Variants in COL4A5 observed in about 807,000 individuals in gnomAD.
COL4A5 encodes the protein collagen type IV alpha 5 chain.
COL4A5 carries 26 observed loss-of-function variants against 130.2 expected under a neutral mutation model. The ratio of observed to expected loss-of-function variants is 0.20; its 90% CI spans 0.15 to 0.28. COL4A5 has a LOEUF of 0.28. COL4A5 is among the 10% of genes least tolerant of loss of function. The probability of loss-of-function intolerance (pLI) is 1.00; values close to 1 mark genes in which losing one functional copy is unlikely to be tolerated. For missense variants in COL4A5, 1,131 were observed against 1,344.3 expected (o/e 0.84, Z 2.48); for synonymous variants, 496 against 439.6 (o/e 1.13, Z -1.60).
At chrX:108,478,676 C>T (rs2064860021) in intron 1 of COL4A5, among the ~76,000 whole-genome samples, 1 of 111,899 alleles carries the variant, frequency 8.9e-6, no homozygotes, top group African/African-American at 3.3e-5. Flanking sequence ...CCCACTGCCA[C>T]ACTGCTTTAG....
chrX:108,601,832 G>C (rs981079825), intron 26 of COL4A5, 53 bp from the exon 27 acceptor site: 60 of 759,332 alleles, frequency 7.9e-5, no homozygotes, highest in Non-Finnish European at 1.2e-4. Flanking sequence ...ACCTGGCCCT[G>C]ATGGCTTCTT....
intron 34 of COL4A5, among the ~76,000 whole-genome samples, chrX:108,625,002 TG>T (rs1295599151): frequency 8.9e-6 from 1 of 112,032 alleles, no homozygotes; most frequent in East Asian, 2.8e-4. Flanking sequence ...TTGATATAGT[TG>T]GGAAGAGAAA....
chrX:108,578,167 T>C (rs2066185392), intron 12 of COL4A5, 48 bp downstream of exon 12: 2 of 1,161,808 alleles, frequency 1.7e-6, no homozygotes, highest in Non-Finnish European at 2.3e-6. Flanking sequence ...CTTTCTCTTT[T>C]TGTAGTCATT....
chrX:108,589,646 T>C (rs1306181884), intron 19 of COL4A5, among the ~76,000 whole-genome samples: 1 of 111,777 alleles, frequency 8.9e-6, no homozygotes, highest in Non-Finnish European at 1.9e-5. Flanking sequence ...TAGTATGAAA[T>C]ATAATTAAAT....
chrX:108,620,611 C>T (rs2067021898), intron 31 of COL4A5, among the ~76,000 whole-genome samples, 185 bp downstream of exon 31: 1 of 111,825 alleles, frequency 8.9e-6, no homozygotes, highest in Admixed American at 9.5e-5. Context: ...TGTGAGAGTT[C>T]CAGTTATATA....
At chrX:108,615,665 T>C (rs1380072597) in intron 30 of COL4A5, among the ~76,000 whole-genome samples, 8 of 111,683 alleles carry the variant, frequency 7.2e-5, no homozygotes, top group Non-Finnish European at 1.5e-4. Context: ...TGTGAAAGCA[T>C]ATTGAGTTTC....
intron 1 of COL4A5, among the ~76,000 whole-genome samples, chrX:108,514,062 A>C (rs1019790988): frequency 9.0e-6 from 1 of 111,425 alleles, no homozygotes; most frequent in South Asian, 3.8e-4. Context: ...CAAGTACACT[A>C]TCTCTATTCT....
intron 1 of COL4A5, among the ~76,000 whole-genome samples, chrX:108,520,300 C>G (rs1051950379): frequency 9.0e-6 from 1 of 111,348 alleles, no homozygotes; most frequent in African/African-American, 3.3e-5. Context: ...TTTAGACAAG[C>G]CTTAAGGTCC....
At position 108,680,721 on chromosome X, in the gene COL4A5, C is replaced by T. The variant is rs1158113032; in HGVS notation, c.3985C>T (p.Pro1329Ser). The change falls in exon 45 of 53, where the codon CCT becomes TCT. Residue 1329 changes from proline (P) to serine (S), a missense_variant. Coordinates refer to ENST00000328300, the MANE Select transcript of COL4A5 (RefSeq NM_033380.3). ...RPGLNGMKGD[P>S]GLPGVPGFPG... Reference sequence around the variant, plus strand: ...GGGTCTCAATGGAATGAAAGGAGATCCTGGTCTCCCTGGTGTTCCAGGATT... The same window carrying T: ...GGGTCTCAATGGAATGAAAGGAGATTCTGGTCTCCCTGGTGTTCCAGGATT... The T allele has an allele frequency of 8.3e-7, 1 of 1,210,025 alleles. No individual in the cohort carries two copies. Among genetic ancestry groups the T allele is most frequent in the Non-Finnish European group, 1.1e-6 (1 of 894,464 alleles).
At chrX:108,554,602 T>C (rs1410970250) in intron 2 of COL4A5, among the ~76,000 whole-genome samples, 1 of 112,089 alleles carries the variant, frequency 8.9e-6, no homozygotes, top group Non-Finnish European at 1.9e-5. Flanking sequence ...GGCTCACAAC[T>C]GTAATCCCAG....
rs373050047 is a variant in COL4A5 at position 108,568,098 on chromosome X, T to G, written c.277-531T>G. 1.3e-4 allele frequency among the ~76,000 whole-genome samples: 15 copies of G among 111,976 alleles called. No individual in the cohort carries two copies. In the East Asian group the frequency reaches 3.9e-3, roughly 29 times the overall value. ...TCAAAGGGCAAATGCATGGGTAATT[T>G]TGCTAGATATTTTCAAATTTCTCTC... On this transcript the variant is annotated intron_variant, in intron 4 of 52. Coordinates refer to ENST00000328300, the MANE Select transcript of COL4A5 (RefSeq NM_033380.3).
rs779281686 is a variant in COL4A5 at position 108,580,854 on chromosome X, A to G, written c.891+116A>G. On this transcript the variant is annotated intron_variant, in intron 15 of 52. Transcript: ENST00000328300. ...TTCAAAATATCACTACTGACATTAT[A>G]ATGTTGATGTCTAAAAAGTCTACTT... 3.2e-6 allele frequency: 3 copies of G among 951,411 alleles called. No individual in the cohort carries two copies. The African/African-American group carries it at 5.8e-5, about 18-fold the overall frequency. The allele number at this position is 951,411 out of a possible 1,213,427, so 78.4% of individuals were successfully genotyped here. A position where few individuals can be genotyped will look rare whatever the true frequency, so the allele number is the denominator to read the frequency against.
rs1161395968 is a variant in COL4A5 at position 108,591,654 on chromosome X, C to T, written c.1423+10C>T. ...GAACAAGGAGTGAAAGGTTTGATCT[C>T]CAAACATATTCATTCCTTCATTTTC... is the stretch of plus-strand genomic sequence containing the variant. On this transcript the variant is annotated intron_variant, in intron 21 of 52. Coordinates refer to ENST00000328300, the MANE Select transcript of COL4A5 (RefSeq NM_033380.3). The T allele has an allele frequency of 2.6e-6, 3 of 1,144,729 alleles. No homozygotes were observed. Among genetic ancestry groups the T allele is most frequent in the Non-Finnish European group, 3.6e-6 (3 of 834,613 alleles). The allele number at this position is 1,144,729 out of a possible 1,213,427, so 94.3% of individuals were successfully genotyped here. A position where few individuals can be genotyped will look rare whatever the true frequency, so the allele number is the denominator to read the frequency against.
intron 1 of COL4A5, among the ~76,000 whole-genome samples, chrX:108,530,194 T>C (rs1381173968): frequency 2.7e-5 from 3 of 111,591 alleles, no homozygotes; most frequent in African/African-American, 9.8e-5. Context: ...TGAAATAATA[T>C]CAGTTTTCTT....
chrX:108,577,372 C>CAAAAAAAAAAAAAAA (rs746311921), intron 10 of COL4A5, among the ~76,000 whole-genome samples: 1 of 29,907 alleles, frequency 3.3e-5, no homozygotes, highest in Non-Finnish European at 7.5e-5. Flanking sequence ...AACTCCTTCT[C>CAAAAAAAAAAAAAAA]AAAAAAAAAA....
intron 1 of COL4A5, among the ~76,000 whole-genome samples, chrX:108,461,843 C>T (rs1453457908): frequency 3.6e-5 from 4 of 111,868 alleles, no homozygotes; most frequent in African/African-American, 1.3e-4. Context: ...GATCCGCCTG[C>T]CTTGGCCTCC....
chrX:108,494,930 A>T (rs1286411136), intron 1 of COL4A5, among the ~76,000 whole-genome samples: 1 of 111,406 alleles, frequency 9.0e-6, no homozygotes, highest in African/African-American at 3.3e-5. Context: ...AAAAGAATAT[A>T]GTGGGAGGAA....
intron 2 of COL4A5, among the ~76,000 whole-genome samples, chrX:108,554,669 T>A (rs1472862816): frequency 1.8e-5 from 2 of 111,430 alleles, no homozygotes; most frequent in African/African-American, 6.5e-5. Context: ...GATATCAACC[T>A]GGGCAACATG....
chrX:108,531,371 A>AAATAAATAAAT (rs1443425247), intron 1 of COL4A5, among the ~76,000 whole-genome samples: 6 of 1,075 alleles, frequency 5.6e-3, no homozygotes, highest in African/African-American at 0.026. Context: ...ATAATGAAAT[A>AAATAAATAAAT]AATAAATAAA....
Sources: gnomAD v4.1 joint callset for allele counts (sites outside exome capture counted in the v4.1 genomes callset) on GRCh38, gnomAD v4.1.1 for gene constraint, MANE v1.5 for transcripts, NCBI Gene and HGNC (gene_info 2026-07-23, HGNC 2026-07-21) for gene names.